The following COL4A1 variants were observed in gnomAD, a reference collection of about 807,000 sequenced individuals.
COL4A1 encodes collagen type IV alpha 1 chain, also known as collagen alpha-1(IV) chain.
Under a neutral mutation model 216.6 loss-of-function variants are expected in COL4A1, and 40 were observed. That is an observed-to-expected ratio of 0.18 (90% confidence interval 0.14 to 0.24). COL4A1 has a LOEUF of 0.24. COL4A1 is among the 10% of genes least tolerant of loss of function. The probability of loss-of-function intolerance (pLI) is 1.00; values close to 1 mark genes in which losing one functional copy is unlikely to be tolerated. For missense variants in COL4A1, 1,628 were observed against 2,196.8 expected (o/e 0.74, Z 5.18); for synonymous variants, 839 against 810.7 (o/e 1.03, Z -0.59).
In COL4A1 at chr13:110,210,186, A is replaced by T. The variant is rs762125888; in HGVS notation, c.495T>A (p.His165Gln). The change falls in exon 9 of 52, where the codon CAT (histidine) becomes CAA (glutamine). Residue 165 changes from histidine to glutamine, a missense_variant. Physicochemically the swap from His to Gln is conservative, Grantham distance 24 (BLOSUM62 0). This residue lies in a region of COL4A1 where 150 missense variants were observed against 211.9 expected (regional missense o/e 0.71). Coordinates refer to ENST00000375820, the MANE Select transcript of COL4A1 (RefSeq NM_001845.6). ...CACCTTTCAACAGCATCCCGGGCACATGGCCAAGTATCTCACCTGGATCAC... is the reference window on the plus strand; with the variant it reads ...CACCTTTCAACAGCATCCCGGGCACTTGGCCAAGTATCTCACCTGGATCAC... ...MKGDPGEILG[H>Q]VPGMLLKGER... is the part of the protein sequence containing the mutation. 17 of 1,613,840 alleles carry T rather than the reference A, an allele frequency of 1.1e-5. No individual in the cohort carries two copies. Among genetic ancestry groups the T allele is most frequent in the Non-Finnish European group, 1.4e-5 (17 of 1,180,032 alleles).
At position 110,186,342 on chromosome 13, in the gene COL4A1, C is replaced by T. The variant is rs372070787; in HGVS notation, c.1897+43G>A. 1.9e-5 allele frequency: 31 copies of T among 1,610,756 alleles called. 1 individual carries two copies. Among genetic ancestry groups the T allele is most frequent in the East Asian group, 8.9e-5 (4 of 44,862 alleles). On this transcript the variant is annotated intron_variant, in intron 26 of 51. Coordinates refer to ENST00000375820, the MANE Select transcript of COL4A1 (RefSeq NM_001845.6). Reference sequence around the variant, plus strand: ...CACCCGAGGTGCCTGCCCTAACCTCCGTTTACAACTTCATGCTGCATCACG... The same window carrying T: ...CACCCGAGGTGCCTGCCCTAACCTCTGTTTACAACTTCATGCTGCATCACG...
At chr13:110,173,861 A>C (rs1478646583) in intron 40 of COL4A1, 39 bp downstream of exon 40, 1 of 1,611,720 alleles carries the variant, frequency 6.2e-7, no homozygotes, top group East Asian at 2.2e-5. Flanking sequence ...GGGAGTGGAC[A>C]CTGCTGATTC....
At chr13:110,219,241 G>A (rs538952320) in intron 2 of COL4A1, among the ~76,000 whole-genome samples, 3 of 152,314 alleles carry the variant, frequency 2.0e-5, no homozygotes, top group South Asian at 2.1e-4. Context: ...AGAGGAAGGC[G>A]TGAGTGCTCA....
At chr13:110,278,263 C>T (rs1024769012) in intron 1 of COL4A1, among the ~76,000 whole-genome samples, 1 of 152,174 alleles carries the variant, frequency 6.6e-6, no homozygotes, top group Non-Finnish European at 1.5e-5. Context: ...CTATTTTGCA[C>T]CTAGCTTTTT....
chr13:110,199,768 G>A (rs1879090875), intron 20 of COL4A1, among the ~76,000 whole-genome samples: 1 of 152,210 alleles, frequency 6.6e-6, no homozygotes, highest in Non-Finnish European at 1.5e-5. Context: ...TTTATCAAGC[G>A]TCTGGGTTAA....
At chr13:110,208,340 C>T (rs1033682058) in intron 12 of COL4A1, among the ~76,000 whole-genome samples, 2 of 152,128 alleles carry the variant, frequency 1.3e-5, no homozygotes, top group East Asian at 1.9e-4. Flanking sequence ...GAAGAGAGGC[C>T]GGTGGTGCGG....
chr13:110,178,174 G>A lies in COL4A1; in HGVS notation c.2516C>T (p.Pro839Leu), dbSNP rs763434858. 21 of 1,614,032 alleles carry A rather than the reference G, an allele frequency of 1.3e-5. No individual in the cohort carries two copies. Among genetic ancestry groups the A allele is most frequent in the South Asian group, 2.2e-5 (2 of 91,084 alleles). The change falls in exon 32 of 52, where the codon CCG becomes CTG. Residue 839 changes from proline (P) to leucine (L), a missense_variant. Transcript: ENST00000375820. ...AGCCCCTTTATCTCCTTTAGGGCCC[G>A]GCATGTCCAGTCCAGGGAATCCGGG... ...GFPGFPGLDM[P>L]GPKGDKGAQG...
chr13:110,178,442 T>C (rs750378972), intron 31 of COL4A1, among the ~76,000 whole-genome samples: 2 of 152,204 alleles, frequency 1.3e-5, no homozygotes, highest in South Asian at 2.1e-4. Flanking sequence ...TCCCCTTTCC[T>C]GTCATTGAGA....
At chr13:110,192,024 G>A (rs976309156) in intron 24 of COL4A1, among the ~76,000 whole-genome samples, 190 bp downstream of exon 24, 1 of 152,224 alleles carries the variant, frequency 6.6e-6, no homozygotes, top group Non-Finnish European at 1.5e-5. Flanking sequence ...TGGGCTCTGT[G>A]GGTAACAGTC....
intron 1 of COL4A1, among the ~76,000 whole-genome samples, chr13:110,306,667 C>T (rs906941357): frequency 1.3e-5 from 2 of 152,322 alleles, no homozygotes; most frequent in East Asian, 3.9e-4. Context: ...TCCCAGGCAC[C>T]CTCACCCCGC....
chr13:110,177,812 A>G, intron 33 of COL4A1, 30 bp downstream of exon 33: 1 of 1,607,360 alleles, frequency 6.2e-7, no homozygotes, highest in Non-Finnish European at 8.5e-7. Flanking sequence ...TAGACACAAA[A>G]TGAGCTTCTA....
chr13:110,225,190 C>T (rs1880681911), intron 2 of COL4A1, among the ~76,000 whole-genome samples: 1 of 152,222 alleles, frequency 6.6e-6, no homozygotes, highest in Non-Finnish European at 1.5e-5. Flanking sequence ...ATAGCACCTC[C>T]AGGAGATGCT....
rs761475364 is a variant in COL4A1 at position 110,174,613 on chromosome 13, C to T, written c.3325+10G>A. The stretch of plus-strand genomic sequence containing the variant: ...ATTCCCCAAGTCCAAGAGAAGCCCC[C>T]CTCACCTACCTGGATAGCCAACACT... On this transcript the variant is annotated intron_variant, in intron 38 of 51. Coordinates refer to ENST00000375820, the MANE Select transcript of COL4A1 (RefSeq NM_001845.6). 4.3e-6 allele frequency: 7 copies of T among 1,614,012 alleles called. No homozygotes were observed. Among genetic ancestry groups the T allele is most frequent in the Non-Finnish European group, 5.1e-6 (6 of 1,180,028 alleles).
chr13:110,217,161 A>G (rs554443966), intron 2 of COL4A1, among the ~76,000 whole-genome samples: 2 of 152,386 alleles, frequency 1.3e-5, no homozygotes, highest in East Asian at 1.9e-4. Context: ...GAACCAGAGC[A>G]GAGCAAACGG....
rs1181837222 is a variant in COL4A1, at chr13:110,150,216, G to A, written c.*147C>T. 3 of 754,258 alleles carry A rather than the reference G, an allele frequency of 4.0e-6. No individual in the cohort carries two copies. The highest frequency in any genetic ancestry group is 5.4e-5 in the East Asian group (2 of 37,236). 46.7% of individuals were successfully genotyped at this position (754,258 alleles called of 1,614,324 possible). On this transcript the variant is annotated 3_prime_UTR_variant, in exon 52 of 52. Transcript: ENST00000375820. ...CAAGTAGAGGTCAATGAAGCAGGGT[G>A]TGTTAGTTACGCAAATTCCTATAAG...
chr13:110,175,228 C>G lies in COL4A1; in HGVS notation c.3188G>C (p.Arg1063Pro). 2 of 1,614,192 alleles carry G rather than the reference C, an allele frequency of 1.2e-6. No homozygotes were observed. Among genetic ancestry groups the G allele is most frequent in the Non-Finnish European group, 1.7e-6 (2 of 1,180,030 alleles). ...GPPGIGIPGL[R>P]GEKGDQGIAG... The stretch of plus-strand genomic sequence containing the variant: ...CAGAGCGCTGGTTACCTTTTCACCT[C>G]GCAGCCCTGGGATGCCTATGCCAGG... Residue 1063 changes from arginine to proline, a missense_variant, in exon 37 of 52, where the codon CGA becomes CCA. By Grantham distance (103) the Arg-to-Pro change is moderately radical (BLOSUM62 -2). This residue lies in a region of COL4A1 where 345 missense variants were observed against 476.9 expected (regional missense o/e 0.72). Transcript: ENST00000375820.
At chr13:110,192,423 T>C (rs1453239596) in intron 23 of COL4A1, 139 bp from the exon 24 acceptor site, 7 of 848,286 alleles carry the variant, frequency 8.3e-6, no homozygotes, top group Non-Finnish European at 1.4e-5. Flanking sequence ...GAGTAATAAC[T>C]AAAATGCCCA....
At chr13:110,230,837 C>A (rs1225230670) in intron 2 of COL4A1, among the ~76,000 whole-genome samples, 1 of 152,198 alleles carries the variant, frequency 6.6e-6, no homozygotes, top group East Asian at 1.9e-4. Context: ...AGCAAGGAGG[C>A]CTCCAGCCGC....
intron 2 of COL4A1, 77 bp downstream of exon 2, chr13:110,242,598 T>C (rs1881614811): frequency 1.3e-6 from 2 of 1,483,294 alleles, no homozygotes; most frequent in Non-Finnish European, 9.4e-7. Flanking sequence ...GAATTGCTGA[T>C]TATTCGGTTA....
Sources: gnomAD v4.1 joint callset for allele counts (sites outside exome capture counted in the v4.1 genomes callset) on GRCh38, gnomAD v4.1.1 for gene constraint, gnomAD v4.1.1 regional missense constraint, MANE v1.5 for transcripts, NCBI Gene and HGNC (gene_info 2026-07-23, HGNC 2026-07-21) for gene names.